The following SLC10A7 variants were observed in gnomAD, a reference collection of about 807,000 sequenced individuals.
SLC10A7 encodes solute carrier family 10 member 7.
A neutral mutation model predicts 43.2 loss-of-function variants in SLC10A7; 29 were observed. That is an observed-to-expected ratio of 0.67 (90% CI 0.50 to 0.92). The LOEUF is 0.92. Among genes scored for constraint, SLC10A7 ranks in the 40% least tolerant of loss-of-function variants. SLC10A7 has a pLI of 0.00. For synonymous variants in SLC10A7, 152 were observed against 144.8 expected (o/e 1.05, Z -0.35); for missense variants, 295 against 403.2 (o/e 0.73, Z 2.30).
At chr4:146,480,186 T>C (rs1734352326) in intron 4 of SLC10A7, among the ~76,000 whole-genome samples, 1 of 152,126 alleles carries the variant, frequency 6.6e-6, no homozygotes, top group Non-Finnish European at 1.5e-5. Flanking sequence ...TTAAGTTATA[T>C]TAGACTCAAA....
chr4:146,263,907 GGATA>G (rs1428462024), intron 10 of SLC10A7, among the ~76,000 whole-genome samples: 2 of 152,196 alleles, frequency 1.3e-5, no homozygotes, highest in East Asian at 3.8e-4. Context: ...TACACTGTGT[GGATA>G]GATAAAGAGC....
intron 4 of SLC10A7, among the ~76,000 whole-genome samples, chr4:146,480,615 G>T: frequency 6.6e-6 from 1 of 152,126 alleles, no homozygotes. Flanking sequence ...TATAATACCA[G>T]CCTTAGTATA....
chr4:146,384,338 A>G (rs1560856550), intron 5 of SLC10A7, among the ~76,000 whole-genome samples: 1 of 152,300 alleles, frequency 6.6e-6, no homozygotes, highest in East Asian at 1.9e-4. Context: ...TGACAAAAAC[A>G]TCATATGGTC....
chr4:146,355,727 A>G (rs1735544590), intron 5 of SLC10A7, among the ~76,000 whole-genome samples: 1 of 151,564 alleles, frequency 6.6e-6, no homozygotes, highest in South Asian at 2.1e-4. Flanking sequence ...TGATGAGTTC[A>G]TGTCCTTTGT....
chr4:146,387,418 C>G (rs756483567), intron 5 of SLC10A7, among the ~76,000 whole-genome samples: 1 of 152,098 alleles, frequency 6.6e-6, no homozygotes, highest in Non-Finnish European at 1.5e-5. Context: ...AATTTGGCAT[C>G]CCTTCATGAT....
Position 146,362,465 on chromosome 4 carries a change from G to GA in SLC10A7, c.436-36470dup, listed in dbSNP as rs199577376. Among the ~76,000 whole-genome samples, 175 of 152,014 alleles carry GA rather than the reference G, an allele frequency of 1.2e-3. 2 individuals carry two copies. In the East Asian group the frequency reaches 0.019, roughly 17 times the overall value. On this transcript the variant is annotated intron_variant, in intron 5 of 11. Coordinates refer to ENST00000335472, the MANE Select transcript of SLC10A7 (RefSeq NM_001029998.6). ...GGATGACATATTCAAAATGCTGAAG[G>GA]AAAAAATATTTCAACCTGTAATACT... is the stretch of plus-strand genomic sequence containing the variant.
At chr4:146,319,057 C>A (rs989342239) in intron 6 of SLC10A7, among the ~76,000 whole-genome samples, 2 of 152,068 alleles carry the variant, frequency 1.3e-5, no homozygotes, top group African/African-American at 4.8e-5. Context: ...CAGAATCATT[C>A]TTTAAAAAAG....
chr4:146,361,670 C>T (rs1295892657), intron 5 of SLC10A7, among the ~76,000 whole-genome samples: 1 of 152,130 alleles, frequency 6.6e-6, no homozygotes, highest in Non-Finnish European at 1.5e-5. Context: ...ATCTTTAATG[C>T]TCAGACATGG....
chr4:146,270,510 A>G (rs1472849812), intron 10 of SLC10A7, among the ~76,000 whole-genome samples: 2 of 152,218 alleles, frequency 1.3e-5, no homozygotes, highest in African/African-American at 2.4e-5. Context: ...ACACATTGGA[A>G]TCACCTGGGT....
At chr4:146,272,454 G>C (rs911417381) in intron 10 of SLC10A7, among the ~76,000 whole-genome samples, 6 of 152,158 alleles carry the variant, frequency 3.9e-5, no homozygotes, top group Non-Finnish European at 7.4e-5. Context: ...TTTGGATGGG[G>C]CTGTAAATGG....
intron 5 of SLC10A7, among the ~76,000 whole-genome samples, chr4:146,356,845 T>C (rs918773707): frequency 7.2e-5 from 11 of 152,232 alleles, no homozygotes; most frequent in Admixed American, 1.3e-4. Flanking sequence ...GTTGTGGAGC[T>C]GGAGTTTTAA....
chr4:146,256,603 C>T, intron 11 of SLC10A7, 83 bp from the exon 12 acceptor site: 1 of 1,477,138 alleles, frequency 6.8e-7, no homozygotes, highest in Non-Finnish European at 9.5e-7. Flanking sequence ...ATAATTTATG[C>T]TATTAGAAGG....
chr4:146,266,896 A>T (rs57810115), intron 10 of SLC10A7, among the ~76,000 whole-genome samples: 1 of 152,220 alleles, frequency 6.6e-6, no homozygotes, highest in African/African-American at 2.4e-5. Context: ...TGGATTTTTT[A>T]AAAATAAAGA....
chr4:146,321,915 C>T (rs951735397), intron 6 of SLC10A7, among the ~76,000 whole-genome samples: 15 of 152,072 alleles, frequency 9.9e-5, no homozygotes, highest in African/African-American at 1.2e-4. Flanking sequence ...GTGTTATATG[C>T]GATGCATATG....
chr4:146,483,093 G>A (rs77457220), intron 4 of SLC10A7, among the ~76,000 whole-genome samples: 7,584 of 152,252 alleles, frequency 0.05, 258 homozygotes, highest in South Asian at 0.18. Flanking sequence ...ACTAAAAGGA[G>A]TTCCTTACGT....
intron 5 of SLC10A7, among the ~76,000 whole-genome samples, chr4:146,356,849 G>A (rs1467531612): frequency 6.6e-6 from 1 of 152,156 alleles, no homozygotes; most frequent in African/African-American, 2.4e-5. Context: ...TGGAGCTGGA[G>A]TTTTAATCCA....
chr4:146,355,986 A>T (rs1261852555), intron 5 of SLC10A7, among the ~76,000 whole-genome samples: 2 of 150,600 alleles, frequency 1.3e-5, no homozygotes, highest in Non-Finnish European at 3.0e-5. Flanking sequence ...ACATGTATAC[A>T]TATGTAACTA....
At chr4:146,384,531 A>G (rs866943526) in intron 5 of SLC10A7, among the ~76,000 whole-genome samples, 13 of 152,134 alleles carry the variant, frequency 8.5e-5, no homozygotes, top group Admixed American at 3.3e-4. Context: ...AAAGCCAATG[A>G]TAAACTAAAT....
intron 9 of SLC10A7, among the ~76,000 whole-genome samples, chr4:146,286,925 T>C (rs1480262489): frequency 6.6e-6 from 1 of 151,268 alleles, no homozygotes; most frequent in African/African-American, 2.4e-5. Flanking sequence ...CTTGGAGAGT[T>C]GAGAAAGACT....
Sources: gnomAD v4.1 joint callset for allele counts (sites outside exome capture counted in the v4.1 genomes callset) on GRCh38, gnomAD v4.1.1 for gene constraint, MANE v1.5 for transcripts, NCBI Gene and HGNC (gene_info 2026-07-23, HGNC 2026-07-21) for gene names.